Variants in SLC20A2 observed in about 807,000 individuals in gnomAD.
SLC20A2 encodes solute carrier family 20 member 2, also known as sodium-dependent phosphate transporter 2.
A neutral mutation model predicts 61.0 loss-of-function variants in SLC20A2; 30 were observed. The ratio of observed to expected loss-of-function variants is 0.49; its 90% CI spans 0.37 to 0.67. The LOEUF (loss-of-function observed/expected upper bound fraction) is 0.67. SLC20A2 is among the 30% of genes least tolerant of loss of function. SLC20A2 has a pLI of 0.00. For missense variants in SLC20A2, 626 were observed against 866.4 expected, an observed-to-expected ratio of 0.72 and a Z score of 3.48; for synonymous variants, 351 against 353.3, an observed-to-expected ratio of 0.99 and a Z score of 0.07.
At chr8:42,487,996 C>G (rs1229881390) in intron 1 of SLC20A2, among the ~76,000 whole-genome samples, 2 of 152,130 alleles carry the variant, frequency 1.3e-5, no homozygotes, top group East Asian at 1.9e-4. Flanking sequence ...AATGACACAG[C>G]ATTTGTCCTT....
rs1003996165 is a variant in SLC20A2 at position 42,461,093 on chromosome 8, C to G, written c.517-1101G>C. Among the ~76,000 whole-genome samples the G allele has an allele frequency of 2.6e-5, 4 of 152,112 alleles. No homozygotes were observed. The East Asian group carries it at 7.7e-4, about 29-fold the overall frequency. ...AGCCAAGAGCACTTGTCAAGAGGCT[C>G]GAGTTGAATGCAGTGAGGCGTGATG... is the stretch of plus-strand genomic sequence containing the variant. On this transcript the variant is annotated intron_variant, in intron 4 of 10. Coordinates refer to ENST00000520262, the MANE Select transcript of SLC20A2 (RefSeq NM_001257180.2).
intron 4 of SLC20A2, 65 bp downstream of exon 4, chr8:42,462,940 A>T: frequency 1.1e-6 from 1 of 915,524 alleles, no homozygotes; most frequent in Non-Finnish European, 1.7e-6. Context: ...TCTCATTATT[A>T]ATTTCTACTG....
At chr8:42,519,003 G>A (rs1030277357) in intron 1 of SLC20A2, among the ~76,000 whole-genome samples, 4 of 152,218 alleles carry the variant, frequency 2.6e-5, no homozygotes. Context: ...TAAAAGCTAT[G>A]TGGAACGCAC....
At chr8:42,432,704 T>C (rs1346498081) in intron 8 of SLC20A2, among the ~76,000 whole-genome samples, 1 of 152,248 alleles carries the variant, frequency 6.6e-6, no homozygotes, top group Non-Finnish European at 1.5e-5. Flanking sequence ...ACCACCCTGA[T>C]GAGTCAGCAG....
chr8:42,442,291 CCAAGGTCA>C (rs1194968061), intron 6 of SLC20A2, among the ~76,000 whole-genome samples: 3 of 152,098 alleles, frequency 2.0e-5, no homozygotes, highest in Non-Finnish European at 4.4e-5. Context: ...CTTTCTCAAC[CCAAGGTCA>C]CAAAAGTTTT....
At chr8:42,481,983 G>A (rs1808588126) in intron 1 of SLC20A2, among the ~76,000 whole-genome samples, 1 of 152,090 alleles carries the variant, frequency 6.6e-6, no homozygotes. Context: ...TACTCTCTGG[G>A]AAGGCATTGC....
intron 5 of SLC20A2, among the ~76,000 whole-genome samples, chr8:42,452,849 A>C (rs1249878806): frequency 6.6e-6 from 1 of 152,106 alleles, no homozygotes; most frequent in Non-Finnish European, 1.5e-5. Context: ...GGTGGAAACG[A>C]GTGAGCAAAG....
rs377576421 is a variant in SLC20A2, at chr8:42,528,907, T to A, written c.-265+12914A>T. On this transcript the variant is annotated intron_variant, in intron 1 of 10. Coordinates refer to the SLC20A2 transcript ENST00000342228. ...GTCTCGAACTCCTGATCTCGGGTGA[T>A]CCCCCCGCCTCAGCCTCCCAAAGTG... is the stretch of plus-strand genomic sequence containing the variant. Among the ~76,000 whole-genome samples the A allele has an allele frequency of 3.2e-3, 488 of 151,880 alleles. 3 individuals are homozygous for A. The highest frequency in any genetic ancestry group is 0.02 in the South Asian group (94 of 4,780).
At chr8:42,482,312 A>G (rs976902899) in intron 1 of SLC20A2, among the ~76,000 whole-genome samples, 18 of 152,216 alleles carry the variant, frequency 1.2e-4, no homozygotes, top group Non-Finnish European at 2.5e-4. Context: ...ATTAGGAAAT[A>G]TATCAGCCTC....
chr8:42,508,800 T>A (rs1231391095), intron 1 of SLC20A2, among the ~76,000 whole-genome samples: 1 of 152,180 alleles, frequency 6.6e-6, no homozygotes, highest in Admixed American at 6.5e-5. Context: ...AAAGGAAAGC[T>A]ATAATGTTTG....
intron 1 of SLC20A2, among the ~76,000 whole-genome samples, chr8:42,524,439 A>C (rs1056148489): frequency 1.3e-5 from 2 of 152,118 alleles, no homozygotes; most frequent in Non-Finnish European, 2.9e-5. Flanking sequence ...GTCTTCTTTA[A>C]GCTTAAAAAT....
chr8:42,466,304 T>C (rs1333638707), intron 2 of SLC20A2, among the ~76,000 whole-genome samples: 1 of 152,192 alleles, frequency 6.6e-6, no homozygotes, highest in Non-Finnish European at 1.5e-5. Context: ...CAGGCTGGTC[T>C]CGAACCCCTA....
intron 1 of SLC20A2, among the ~76,000 whole-genome samples, chr8:42,517,632 G>T (rs1054275648): frequency 1.3e-5 from 2 of 152,108 alleles, no homozygotes; most frequent in Non-Finnish European, 1.5e-5. Flanking sequence ...TCCTTCTGTT[G>T]AGGAGCCCCA....
chr8:42,444,587 T>G, intron 6 of SLC20A2, 59 bp downstream of exon 6: 1 of 1,244,340 alleles, frequency 8.0e-7, no homozygotes, highest in Non-Finnish European at 1.2e-6. Flanking sequence ...GCATGTTACA[T>G]GTGAGGTTTT....
At chr8:42,424,463 G>A (rs560891908) in intron 10 of SLC20A2, among the ~76,000 whole-genome samples, 3 of 152,242 alleles carry the variant, frequency 2.0e-5, no homozygotes, top group East Asian at 3.9e-4. Flanking sequence ...TTATAGGCAT[G>A]AGCCACCGTA....
chr8:42,447,285 G>A (rs1015865904), intron 5 of SLC20A2, among the ~76,000 whole-genome samples: 15 of 151,736 alleles, frequency 9.9e-5, no homozygotes, highest in Non-Finnish European at 2.1e-4. Context: ...ATTTGAGGCT[G>A]CAGTGAGCTA....
chr8:42,463,570 G>C (rs1248877344), intron 3 of SLC20A2, among the ~76,000 whole-genome samples: 1 of 152,192 alleles, frequency 6.6e-6, no homozygotes, highest in Non-Finnish European at 1.5e-5. Flanking sequence ...CTCTAGCCAA[G>C]TAGTTCCCGC....
intron 10 of SLC20A2, among the ~76,000 whole-genome samples, chr8:42,420,508 A>G (rs957297293): frequency 6.6e-6 from 1 of 152,220 alleles, no homozygotes; most frequent in African/African-American, 2.4e-5. Context: ...TTAAGCCATC[A>G]GATTTATGTT....
chr8:42,455,341 A>AAT (rs1806110960), intron 5 of SLC20A2, among the ~76,000 whole-genome samples: 1 of 150,118 alleles, frequency 6.7e-6, no homozygotes, highest in Admixed American at 6.7e-5. Context: ...GACATTTTAA[A>AAT]GAGAGTTAAG....
Sources: allele counts gnomAD v4.1 joint callset (sites outside exome capture counted in the v4.1 genomes callset), GRCh38; gene constraint gnomAD v4.1.1; transcripts MANE v1.5; gene names NCBI Gene and HGNC (gene_info 2026-07-23, HGNC 2026-07-21).